VPS13B: variants seen among roughly 807,000 people sequenced by gnomAD.
VPS13B encodes the protein vacuolar protein sorting 13 homolog B.
Under a neutral mutation model 426.4 loss-of-function variants are expected in VPS13B, and 285 were observed. The observed-to-expected ratio is 0.67, with a 90% CI of 0.61 to 0.74. The LOEUF is 0.74. Among genes scored for constraint, VPS13B ranks in the 30% least tolerant of loss-of-function variants. The pLI is 0.00. For synonymous variants in VPS13B, 1,676 were observed against 1,676.4 expected (o/e 1.00, Z 0.01); for missense variants, 4,537 against 4,782.6 (o/e 0.95, Z 1.51).
rs529520868 is a variant in VPS13B at position 99,127,087 on chromosome 8, C to A, written c.1206+5642C>A. Among the ~76,000 whole-genome samples the A allele has an allele frequency of 6.3e-3, 956 of 150,952 alleles. 8 individuals carry two copies. The highest frequency in any genetic ancestry group is 0.022 in the African/African-American group (897 of 41,106). On this transcript the variant is annotated intron_variant, in intron 8 of 61. Transcript: ENST00000357162. ...CTGCAGCCTGGGTGACAGAGCGAGA[C>A]CTTGTCTCAAAAAAAAGAAAAAAAA...
At chr8:99,478,886 C>T (rs1819891125) in intron 24 of VPS13B, among the ~76,000 whole-genome samples, 1 of 151,234 alleles carries the variant, frequency 6.6e-6, no homozygotes, top group African/African-American at 2.4e-5. Context: ...TAGTAACAAC[C>T]TACATGCCAA....
intron 35 of VPS13B, chr8:99,697,569 A>G: frequency 1.5e-6 from 1 of 686,120 alleles, no homozygotes. Context: ...GAGAACATGC[A>G]AGAGATCAAG....
intron 17 of VPS13B, among the ~76,000 whole-genome samples, chr8:99,270,068 T>C (rs1294993402): frequency 6.6e-6 from 1 of 150,862 alleles, no homozygotes; most frequent in African/African-American, 2.4e-5. Context: ...AGTGTCAAAC[T>C]GTATTCTTGA....
chr8:99,801,159 C>T (rs1469479383), intron 43 of VPS13B, among the ~76,000 whole-genome samples: 2 of 152,064 alleles, frequency 1.3e-5, no homozygotes, highest in African/African-American at 4.8e-5. Context: ...CCTAAGAGTT[C>T]ACTTTCTCTT....
chr8:99,695,153 A>T (rs1831902595), intron 35 of VPS13B, among the ~76,000 whole-genome samples: 1 of 151,426 alleles, frequency 6.6e-6, no homozygotes, highest in African/African-American at 2.4e-5. Flanking sequence ...TTCCTCAGGG[A>T]TCTAAAACTA....
chr8:99,587,918 A>T (rs866828599), intron 33 of VPS13B, among the ~76,000 whole-genome samples: 2 of 151,642 alleles, frequency 1.3e-5, no homozygotes, highest in Non-Finnish European at 2.9e-5. Context: ...CTGAATGGTA[A>T]TGCCTAGGTT....
intron 43 of VPS13B, among the ~76,000 whole-genome samples, chr8:99,792,644 C>T (rs1372112422): frequency 6.6e-6 from 1 of 152,062 alleles, no homozygotes; most frequent in Non-Finnish European, 1.5e-5. Flanking sequence ...GCTGCCAGCA[C>T]CAGGCAGTAA....
chr8:99,834,194 TTGTC>T, intron 52 of VPS13B, among the ~76,000 whole-genome samples: 1 of 152,366 alleles, frequency 6.6e-6, no homozygotes, highest in South Asian at 2.1e-4. Context: ...ATTTGGCAAA[TTGTC>T]TGATTTCTTT....
intron 19 of VPS13B, among the ~76,000 whole-genome samples, chr8:99,298,800 A>G (rs1197288287): frequency 1.3e-5 from 2 of 152,172 alleles, no homozygotes; most frequent in East Asian, 3.9e-4. Flanking sequence ...TGTCTTCCCA[A>G]GTGTTATTTT....
intron 56 of VPS13B, 106 bp downstream of exon 56, chr8:99,854,362 G>T: frequency 2.4e-6 from 3 of 1,232,548 alleles, no homozygotes; most frequent in Non-Finnish European, 3.5e-6. Context: ...TTGGCAAGAG[G>T]TGACACACCT....
At chr8:99,687,401 A>T (rs1831460157) in intron 35 of VPS13B, among the ~76,000 whole-genome samples, 1 of 152,020 alleles carries the variant, frequency 6.6e-6, no homozygotes, top group Admixed American at 6.5e-5. Flanking sequence ...GCACAGAACC[A>T]GGACTTAACC....
chr8:99,311,982 C>G (rs1821005131), intron 19 of VPS13B, among the ~76,000 whole-genome samples: 2 of 152,140 alleles, frequency 1.3e-5, no homozygotes, highest in African/African-American at 4.8e-5. Context: ...TTATCACAGG[C>G]TAGGATTTCA....
chr8:99,373,096 T>A lies in VPS13B; in HGVS notation c.2825-11112T>A, dbSNP rs1447809437. Among the ~76,000 whole-genome samples the A allele has an allele frequency of 2.0e-5, 3 of 152,170 alleles. No homozygotes were observed. In the East Asian group the frequency reaches 5.8e-4, roughly 29 times the overall value. On this transcript the variant is annotated intron_variant, in intron 19 of 61. Coordinates refer to ENST00000357162, the MANE Select transcript of VPS13B (RefSeq NM_152564.5). ...ACCAAACACTGCATATTCTCACTCA[T>A]AAGTGGGAGTTGAAAAATGAGAACA...
chr8:99,859,313 T>C lies in VPS13B; in HGVS notation c.10877T>C (p.Val3626Ala), dbSNP rs762243473. ...CTCTTGTGCGTTGCAGGCTGGGTAGTTGGGTCTCTGGATATTCTTGGCAGC... is the reference window on the plus strand; with the variant it reads ...CTCTTGTGCGTTGCAGGCTGGGTAGCTGGGTCTCTGGATATTCTTGGCAGC... ...AGALFRAGWV[V>A]GSLDILGSPA... is the part of the protein sequence containing the mutation. The change falls in exon 57 of 62, where the codon GTT becomes GCT. Residue 3626 changes from valine (V) to alanine (A), a missense_variant. This residue lies in a region of VPS13B where 4,311 missense variants were observed against 4,474.3 expected (regional missense o/e 0.96). Transcript: ENST00000357162. 6.2e-7 allele frequency: 1 copy of C among 1,613,662 alleles called. No individual in the cohort carries two copies. The highest frequency in any genetic ancestry group is 8.5e-7 in the Non-Finnish European group (1 of 1,179,912).
In VPS13B at chr8:99,776,855, A is replaced by G; in HGVS notation, c.7328A>G (p.Asp2443Gly). Reference sequence around the variant, plus strand: ...GCCCTGGCTGCCTGTACCAGAGTTGACTCCTGCTTTACCCCATGGTTTGTC... The same window carrying G: ...GCCCTGGCTGCCTGTACCAGAGTTGGCTCCTGCTTTACCCCATGGTTTGTC... ...PTALAACTRV[D>G]SCFTPWFVPS... The change falls in exon 41 of 62, where the codon GAC becomes GGC. Residue 2443 changes from aspartate to glycine, a missense_variant. Transcript: ENST00000357162. 1 of 1,613,826 alleles carries G rather than the reference A, an allele frequency of 6.2e-7. No homozygotes were observed. Among genetic ancestry groups the G allele is most frequent in the Non-Finnish European group, 8.5e-7 (1 of 1,179,926 alleles).
intron 3 of VPS13B, among the ~76,000 whole-genome samples, chr8:99,069,669 TATC>T (rs748704160): frequency 7.2e-4 from 110 of 152,314 alleles, no homozygotes; most frequent in Non-Finnish European, 1.4e-3. Flanking sequence ...CTGAGTAAAT[TATC>T]ATTACCATTC....
chr8:99,401,548 A>G (rs1346129279), intron 21 of VPS13B, among the ~76,000 whole-genome samples: 1 of 152,200 alleles, frequency 6.6e-6, no homozygotes, highest in East Asian at 1.9e-4. Context: ...GAAGGACTCC[A>G]ATGATAGTCT....
intron 19 of VPS13B, among the ~76,000 whole-genome samples, chr8:99,304,315 A>G (rs999515139): frequency 6.6e-6 from 1 of 152,148 alleles, no homozygotes; most frequent in African/African-American, 2.4e-5. Context: ...GCACTTCCCT[A>G]TGAGAGGATA....
intron 30 of VPS13B, among the ~76,000 whole-genome samples, chr8:99,550,592 T>C (rs1277967734): frequency 6.6e-6 from 1 of 151,984 alleles, no homozygotes; most frequent in Non-Finnish European, 1.5e-5. Context: ...GTTGATCTTT[T>C]TTATTGTGCT....
Sources: gnomAD v4.1 joint callset for allele counts (sites outside exome capture counted in the v4.1 genomes callset) on GRCh38, gnomAD v4.1.1 for gene constraint, gnomAD v4.1.1 regional missense constraint, MANE v1.5 for transcripts, NCBI Gene and HGNC (gene_info 2026-07-23, HGNC 2026-07-21) for gene names.